The following DRC8 variants were observed in gnomAD, a reference collection of about 807,000 sequenced individuals.
DRC8 encodes the protein dynein regulatory complex subunit 8.
chr1:244,975,399 T>G, the DRC8 span, among the ~76,000 whole-genome samples: 1 of 152,236 alleles, frequency 6.6e-6, no homozygotes, highest in East Asian at 1.9e-4. Context: ...GAATTCCGTC[T>G]TCCCCAAGCT....
chr1:244,993,372 C>T, the DRC8 span, among the ~76,000 whole-genome samples: 1 of 152,144 alleles, frequency 6.6e-6, no homozygotes, highest in African/African-American at 2.4e-5. Context: ...CCCATTACAG[C>T]CATTACAGCA....
chr1:245,021,719 A>T, the DRC8 span, among the ~76,000 whole-genome samples: 9 of 152,106 alleles, frequency 5.9e-5, no homozygotes, highest in African/African-American at 2.2e-4. Context: ...TACAGACGTG[A>T]GCCACTGTGC....
At chr1:244,990,892 T>C in the DRC8 span, among the ~76,000 whole-genome samples, 5 of 152,186 alleles carry the variant, frequency 3.3e-5, no homozygotes, top group South Asian at 1.0e-3. Context: ...GCACCAAATG[T>C]GTGGGTTTTC....
At chr1:244,969,874 G>A in the DRC8 span, 5 of 437,692 alleles carry the variant, frequency 1.1e-5, no homozygotes. Context: ...CCGGCGGGAG[G>A]CGGGCTGCGA....
At chr1:245,058,603 A>G in the DRC8 span, among the ~76,000 whole-genome samples, 2 of 152,258 alleles carry the variant, frequency 1.3e-5, no homozygotes, top group African/African-American at 4.8e-5. Flanking sequence ...ACATTCAAAC[A>G]TTACAACTTT....
the DRC8 span, among the ~76,000 whole-genome samples, chr1:245,026,499 C>T: frequency 6.6e-6 from 1 of 152,070 alleles, no homozygotes; most frequent in Non-Finnish European, 1.5e-5. Flanking sequence ...GGACAGTTCC[C>T]CCAAGACAGT....
chr1:245,056,972 G>A, the DRC8 span, among the ~76,000 whole-genome samples: 2 of 148,986 alleles, frequency 1.3e-5, no homozygotes, highest in South Asian at 2.1e-4. Context: ...TAGACAAATT[G>A]AATTTAACAG....
chr1:245,009,363 G>C, the DRC8 span, among the ~76,000 whole-genome samples: 125,405 of 151,894 alleles, frequency 0.83, 51,891 homozygotes, highest in East Asian at 1. Context: ...GCCTTTGTCA[G>C]TGATACTCCT....
chr1:245,091,222 T>C, the DRC8 span: 1 of 152,320 alleles, frequency 6.6e-6, no homozygotes, highest in Non-Finnish European at 1.5e-5. Context: ...AGGAACACAT[T>C]GCAGCGGGGA....
At chr1:245,092,449 A>T in the DRC8 span, among the ~76,000 whole-genome samples, 1 of 152,228 alleles carries the variant, frequency 6.6e-6, no homozygotes. Flanking sequence ...GATCAGTGTC[A>T]CTACCTTACC....
the DRC8 span, among the ~76,000 whole-genome samples, chr1:244,985,934 G>C: frequency 6.6e-6 from 1 of 151,458 alleles, no homozygotes; most frequent in Non-Finnish European, 1.5e-5. Context: ...AGGGACATCT[G>C]ATTTAAATTT....
chr1:245,083,723 T>C, the DRC8 span: 5 of 1,577,486 alleles, frequency 3.2e-6, no homozygotes, highest in Middle Eastern at 1.7e-4. Flanking sequence ...CAATGACTTA[T>C]GTGAGGAATT....
the DRC8 span, among the ~76,000 whole-genome samples, chr1:244,991,876 G>T: frequency 1.4e-4 from 21 of 152,156 alleles, no homozygotes; most frequent in Non-Finnish European, 7.3e-5. Flanking sequence ...TTTTCATAGT[G>T]TAGAAAGTAA....
chr1:245,070,967 G>A, the DRC8 span, among the ~76,000 whole-genome samples: 21 of 152,204 alleles, frequency 1.4e-4, no homozygotes, highest in African/African-American at 5.1e-4. Context: ...CCCTCTGGGG[G>A]CCACAGCATT....
At chr1:245,078,475 G>A in the DRC8 span, among the ~76,000 whole-genome samples, 3 of 116,834 alleles carry the variant, frequency 2.6e-5, no homozygotes, top group South Asian at 2.9e-4. Context: ...ACACACACAC[G>A]TATGTAATGG....
the DRC8 span, chr1:244,970,183 C>CG: frequency 1.4e-6 from 1 of 713,750 alleles, no homozygotes; most frequent in Non-Finnish European, 2.5e-6. Flanking sequence ...GGCCGGGGGC[C>CG]GGGTGGCAGA....
At chr1:244,975,994 C>T in the DRC8 span, among the ~76,000 whole-genome samples, 4 of 152,026 alleles carry the variant, frequency 2.6e-5, no homozygotes, top group South Asian at 4.2e-4. Flanking sequence ...GTTGGCCAGG[C>T]GTGGTGGCTC....
At chr1:245,118,748 C>T in the DRC8 span, among the ~76,000 whole-genome samples, 1 of 150,104 alleles carries the variant, frequency 6.7e-6, no homozygotes, top group Non-Finnish European at 1.5e-5. Flanking sequence ...GCCAAGATCG[C>T]ACCACTGCAC....
chr1:245,051,471 G>A, the DRC8 span, among the ~76,000 whole-genome samples: 1 of 152,088 alleles, frequency 6.6e-6, no homozygotes, highest in African/African-American at 2.4e-5. Flanking sequence ...ACAGTAAGGA[G>A]GTTATTGGAG....
Sources: allele counts gnomAD v4.1 joint callset (sites outside exome capture counted in the v4.1 genomes callset), GRCh38; gene constraint gnomAD v4.1.1; transcripts MANE v1.5; gene names NCBI Gene and HGNC (gene_info 2026-07-23, HGNC 2026-07-21).